ASIC2: variants seen among roughly 807,000 people sequenced by gnomAD.
ASIC2 encodes acid-sensing ion channel 2.
Under a neutral mutation model 57.3 loss-of-function variants are expected in ASIC2, and 25 were observed. The observed-to-expected ratio is 0.44, with a 90% confidence interval of 0.32 to 0.61. ASIC2 has a LOEUF of 0.61. Among genes scored for constraint, ASIC2 ranks in the 20% least tolerant of loss-of-function variants. ASIC2 has a pLI of 0.06. For synonymous variants in ASIC2, 319 were observed against 307.5 expected (o/e 1.04, Z -0.39); for missense variants, 641 against 738.1 (o/e 0.87, Z 1.52).
intron 1 of ASIC2, among the ~76,000 whole-genome samples, chr17:33,188,618 G>A (rs1374476721): frequency 2.6e-5 from 4 of 152,198 alleles, no homozygotes; most frequent in Admixed American, 6.5e-5. Flanking sequence ...GAAAGCAGAC[G>A]TCTCAGAAAT....
chr17:34,155,323 C>T (rs1358109591), intron 1 of ASIC2, among the ~76,000 whole-genome samples: 1 of 152,192 alleles, frequency 6.6e-6, no homozygotes, highest in Non-Finnish European at 1.5e-5. Context: ...TTGGCTTCAA[C>T]CTGCCAACAG....
At chr17:33,029,207 A>G (rs2091871039) in intron 3 of ASIC2, among the ~76,000 whole-genome samples, 1 of 152,374 alleles carries the variant, frequency 6.6e-6, no homozygotes. Context: ...GTGTTTGCCC[A>G]TGTAACCAGC....
intron 1 of ASIC2, chr17:33,955,331 T>A (rs1345601080): frequency 6.6e-6 from 1 of 152,196 alleles, no homozygotes; most frequent in Non-Finnish European, 1.5e-5. Context: ...TGCAGCTTTG[T>A]CTTACTGGTG....
intron 1 of ASIC2, among the ~76,000 whole-genome samples, chr17:33,568,179 T>C (rs374767890): frequency 1.2e-3 from 180 of 152,292 alleles, no homozygotes; most frequent in African/African-American, 4.3e-3. Context: ...GCCCTCCAGT[T>C]AGAGACTTGT....
chr17:34,143,780 C>A (rs908342347), intron 1 of ASIC2, among the ~76,000 whole-genome samples: 2 of 152,170 alleles, frequency 1.3e-5, no homozygotes, highest in Non-Finnish European at 2.9e-5. Flanking sequence ...ATCACAAGCA[C>A]CATGTCTCTG....
chr17:33,283,938 T>G (rs895866607), intron 1 of ASIC2, among the ~76,000 whole-genome samples: 4 of 152,208 alleles, frequency 2.6e-5, no homozygotes, highest in Non-Finnish European at 5.9e-5. Context: ...AAGTCAGGGC[T>G]TCTGTGACCT....
intron 1 of ASIC2, among the ~76,000 whole-genome samples, chr17:33,698,277 A>C (rs1352986296): frequency 6.6e-6 from 1 of 152,160 alleles, no homozygotes; most frequent in Non-Finnish European, 1.5e-5. Flanking sequence ...GTTCTACTTC[A>C]TATGGGGTTT....
At chr17:33,734,093 A>T (rs1324268414) in intron 1 of ASIC2, among the ~76,000 whole-genome samples, 1 of 151,872 alleles carries the variant, frequency 6.6e-6, no homozygotes, top group African/African-American at 2.4e-5. Flanking sequence ...AAAATATGTC[A>T]TCTCCCCCCT....
intron 1 of ASIC2, among the ~76,000 whole-genome samples, chr17:33,202,031 A>G (rs950214647): frequency 1.3e-4 from 20 of 151,590 alleles, no homozygotes; most frequent in Non-Finnish European, 2.5e-4. Flanking sequence ...AAAAAAAAAA[A>G]AAAAAGAAAA....
chr17:33,804,636 C>G (rs572506357), intron 1 of ASIC2, among the ~76,000 whole-genome samples: 2 of 152,288 alleles, frequency 1.3e-5, no homozygotes, highest in African/African-American at 4.8e-5. Context: ...TTGAACGATG[C>G]CTTTCATAGC....
intron 1 of ASIC2, among the ~76,000 whole-genome samples, chr17:33,962,033 A>G (rs1435582195): frequency 6.6e-6 from 1 of 152,148 alleles, no homozygotes; most frequent in Non-Finnish European, 1.5e-5. Flanking sequence ...ACCTCACGGC[A>G]GTTCCTTCTT....
chr17:33,604,104 G>A (rs551449937), intron 1 of ASIC2, among the ~76,000 whole-genome samples: 2 of 152,316 alleles, frequency 1.3e-5, no homozygotes, highest in East Asian at 3.9e-4. Flanking sequence ...GGCTGAAAGG[G>A]AGCCTGGCCC....
At chr17:33,427,378 A>G (rs1911254855) in intron 1 of ASIC2, among the ~76,000 whole-genome samples, 1 of 152,250 alleles carries the variant, frequency 6.6e-6, no homozygotes, top group Admixed American at 6.5e-5. Flanking sequence ...AGAATTATGT[A>G]TGAAAGTATC....
At chr17:33,390,343 C>T in intron 1 of ASIC2, among the ~76,000 whole-genome samples, 1 of 152,072 alleles carries the variant, frequency 6.6e-6, no homozygotes. Context: ...GCCCCTTTCC[C>T]TCTTCTCTTT....
At chr17:33,746,307 T>C (rs1038553109) in intron 1 of ASIC2, among the ~76,000 whole-genome samples, 11 of 150,298 alleles carry the variant, frequency 7.3e-5, no homozygotes, top group South Asian at 2.1e-4. Flanking sequence ...CGTATGTATA[T>C]ACATGTACAC....
intron 1 of ASIC2, among the ~76,000 whole-genome samples, chr17:33,250,295 G>A (rs952057789): frequency 2.0e-5 from 3 of 152,026 alleles, no homozygotes; most frequent in East Asian, 1.9e-4. Context: ...TCCCTTTTTC[G>A]AGGAGCTGGG....
chr17:33,186,019 G>T (rs1160960071), intron 1 of ASIC2, among the ~76,000 whole-genome samples: 1 of 152,176 alleles, frequency 6.6e-6, no homozygotes, highest in Non-Finnish European at 1.5e-5. Flanking sequence ...ATCTTATTAG[G>T]TGAGTGCAAA....
At chr17:33,143,683 G>C (rs1904423508) in intron 1 of ASIC2, among the ~76,000 whole-genome samples, 1 of 152,046 alleles carries the variant, frequency 6.6e-6, no homozygotes, top group African/African-American at 2.4e-5. Context: ...AGAAAAAATA[G>C]TTTCCATAGC....
chr17:33,221,305 C>A (rs532406455), intron 1 of ASIC2, among the ~76,000 whole-genome samples: 1 of 151,980 alleles, frequency 6.6e-6, no homozygotes, highest in East Asian at 1.9e-4. Flanking sequence ...TCCATATTAC[C>A]GAAAAATAAA....
Sources: gnomAD v4.1 joint callset for allele counts (sites outside exome capture counted in the v4.1 genomes callset) on GRCh38, gnomAD v4.1.1 for gene constraint, MANE v1.5 for transcripts, NCBI Gene and HGNC (gene_info 2026-07-23, HGNC 2026-07-21) for gene names.